NUDT4: variants seen among roughly 807,000 people sequenced by gnomAD.
The protein encoded by NUDT4 is diphosphoinositol polyphosphate phosphohydrolase 2.
A neutral mutation model predicts 23.1 loss-of-function variants in NUDT4; 5 were observed. The ratio of observed to expected loss-of-function variants is 0.22; its 90% confidence interval spans 0.11 to 0.46. NUDT4 has a LOEUF of 0.46. Among genes scored for constraint, NUDT4 ranks in the 20% least tolerant of loss-of-function variants. The probability of loss-of-function intolerance (pLI) is 0.99; values close to 1 mark genes in which losing one functional copy is unlikely to be tolerated. For synonymous variants in NUDT4, 50 were observed against 79.0 expected (o/e 0.63, Z 1.95); for missense variants, 96 against 211.6 (o/e 0.45, Z 3.39).
chr12:93,378,534 C>A, intron 1 of NUDT4, 113 bp downstream of exon 1: 2 of 1,296,416 alleles, frequency 1.5e-6, no homozygotes, highest in Non-Finnish European at 2.0e-6. Context: ...GGATTAGCCC[C>A]CTTCCTCCCT....
chr12:93,378,680 A>AGGTCCCGGGCC (rs1308633121), intron 1 of NUDT4: 4 of 1,170,452 alleles, frequency 3.4e-6, no homozygotes, highest in Non-Finnish European at 4.2e-6. Context: ...GTCCCCGGGA[A>AGGTCCCGGGCC]GGTCCCGGGC....
intron 3 of NUDT4, among the ~76,000 whole-genome samples, chr12:93,397,449 T>C (rs1211593698): frequency 1.3e-5 from 2 of 152,170 alleles, no homozygotes; most frequent in South Asian, 2.1e-4. Context: ...CAAAGAAGGC[T>C]AACTTTAATC....
At position 93,405,084 on chromosome 12, in the gene NUDT4, G is replaced by A. The variant is rs777974843; in HGVS notation, c.*5705G>A. On this transcript the variant is annotated 3_prime_UTR_variant, in exon 5 of 5. Transcript: ENST00000415493. ...GAATTGTAATAACTTGGACTTACTTGGTTGCTCAGTCCTGATGTGTCCTGT... is the reference window on the plus strand; with the variant it reads ...GAATTGTAATAACTTGGACTTACTTAGTTGCTCAGTCCTGATGTGTCCTGT... The A allele has an allele frequency of 5.9e-5, 9 of 152,062 alleles. No homozygotes were observed. The highest frequency in any genetic ancestry group is 1.0e-4 in the Non-Finnish European group (7 of 68,020). The allele number at this position is 152,062 out of a possible 1,614,324, so 9.4% of individuals were successfully genotyped here.
chr12:93,379,108 A>G (rs1875435688), intron 1 of NUDT4, among the ~76,000 whole-genome samples: 1 of 152,204 alleles, frequency 6.6e-6, no homozygotes, highest in Non-Finnish European at 1.5e-5. Context: ...TTCAGACAGT[A>G]ATCTCCAGCT....
At position 93,378,196 on chromosome 12, in the gene NUDT4, C is replaced by T. The variant is rs1875332603; in HGVS notation, c.-127C>T. 2.7e-6 allele frequency: 1 copy of T among 370,828 alleles called. No homozygotes were observed. The highest frequency in any genetic ancestry group is 4.9e-6 in the Non-Finnish European group (1 of 205,152). 23.0% of individuals were successfully genotyped at this position (370,828 alleles called of 1,614,324 possible). ...GACCGGCCTCGCCGCACCTCCCGCA[C>T]CGACTAGCGCTCCCGGGCGCTCCTG... On this transcript the variant is annotated 5_prime_UTR_variant, in exon 1 of 5. Coordinates refer to ENST00000415493, the MANE Select transcript of NUDT4 (RefSeq NM_019094.6).
At chr12:93,378,705 C>G in intron 1 of NUDT4, 1 of 1,128,606 alleles carries the variant, frequency 8.9e-7, no homozygotes, top group South Asian at 4.2e-5. Context: ...TAAGTCTCGC[C>G]TAGCGGGAGT....
At chr12:93,387,173 C>T (rs1057035261) in intron 1 of NUDT4, among the ~76,000 whole-genome samples, 19 of 152,050 alleles carry the variant, frequency 1.2e-4, no homozygotes, top group African/African-American at 4.1e-4. Context: ...CTCAAGTGAT[C>T]CTCCTGCCTC....
At chr12:93,392,933 A>G (rs1175523627) in intron 1 of NUDT4, among the ~76,000 whole-genome samples, 8 of 136,224 alleles carry the variant, frequency 5.9e-5, no homozygotes, top group African/African-American at 1.1e-4. Flanking sequence ...TGCCCACCTC[A>G]GCCTCCCAAA....
intron 3 of NUDT4, among the ~76,000 whole-genome samples, chr12:93,396,790 G>A (rs1565782988): frequency 6.6e-6 from 1 of 152,142 alleles, no homozygotes; most frequent in African/African-American, 2.4e-5. Context: ...ACGCACGCCT[G>A]TAGTCCCAGC....
At position 93,404,494 on chromosome 12, in the gene NUDT4, C is replaced by T. The variant is rs1877692445; in HGVS notation, c.*5115C>T. 6.6e-6 allele frequency: 1 copy of T among 152,194 alleles called. No individual in the cohort carries two copies. Among genetic ancestry groups the T allele is most frequent in the Non-Finnish European group, 1.5e-5 (1 of 68,032 alleles). The allele number at this position is 152,194 out of a possible 1,614,324, so 9.4% of individuals were successfully genotyped here. ...CCTGGGAGTCTAGTCAACAAATGGA[C>T]AAGTTGCACAACCAAGCTATGGTCA... On this transcript the variant is annotated 3_prime_UTR_variant, in exon 5 of 5. Transcript: ENST00000415493.
At chr12:93,389,795 G>A (rs1382898867) in intron 1 of NUDT4, among the ~76,000 whole-genome samples, 2 of 151,778 alleles carry the variant, frequency 1.3e-5, no homozygotes, top group Non-Finnish European at 2.9e-5. Flanking sequence ...CAGCTACTCG[G>A]GAGGCTGAGG....
chr12:93,378,471 G>C, intron 1 of NUDT4, 50 bp downstream of exon 1: 1 of 1,480,434 alleles, frequency 6.8e-7, no homozygotes, highest in Non-Finnish European at 9.0e-7. Context: ...GGGGTCTAGG[G>C]CCCGGGTGCT....
intron 1 of NUDT4, among the ~76,000 whole-genome samples, chr12:93,390,258 A>T (rs1444746538): frequency 1.3e-5 from 2 of 152,210 alleles, no homozygotes; most frequent in African/African-American, 4.8e-5. Context: ...GTTTATTCCT[A>T]ACCCAAACCT....
chr12:93,378,936 C>A, intron 1 of NUDT4: 2 of 296,856 alleles, frequency 6.7e-6, no homozygotes, highest in Middle Eastern at 1.7e-3. Flanking sequence ...CTTGGCAATT[C>A]TTGTGGGTCC....
At chr12:93,383,921 G>T (rs1875876704) in intron 1 of NUDT4, among the ~76,000 whole-genome samples, 1 of 152,144 alleles carries the variant, frequency 6.6e-6, no homozygotes, top group South Asian at 2.1e-4. Flanking sequence ...AGGTTCTCTG[G>T]ATGGCTCCTC....
chr12:93,402,775 G>A lies in NUDT4; in HGVS notation c.*3396G>A, dbSNP rs1357902292. 4 of 152,052 alleles carry A rather than the reference G, an allele frequency of 2.6e-5. No homozygotes were observed. The highest frequency in any genetic ancestry group is 9.7e-5 in the African/African-American group (4 of 41,374). The allele number at this position is 152,052 out of a possible 1,614,324, so 9.4% of individuals were successfully genotyped here. On this transcript the variant is annotated 3_prime_UTR_variant, in exon 5 of 5. Transcript: ENST00000415493. ...TGACTTACTCTAGAATTCTAATACA[G>A]ATACTTTCTGCACTAGTATCACTTT...
chr12:93,403,258 C>A lies in NUDT4; in HGVS notation c.*3879C>A, dbSNP rs940779754. 1 of 152,140 alleles carries A rather than the reference C, an allele frequency of 6.6e-6. No individual in the cohort carries two copies. The highest frequency in any genetic ancestry group is 1.5e-5 in the Non-Finnish European group (1 of 68,030). The allele number at this position is 152,140 out of a possible 1,614,324, so 9.4% of individuals were successfully genotyped here. On this transcript the variant is annotated 3_prime_UTR_variant, in exon 5 of 5. Coordinates refer to ENST00000415493, the MANE Select transcript of NUDT4 (RefSeq NM_019094.6). ...TAAGAGCACAAAACAATTTTCTAAT[C>A]TCAAAGAGCTTATATTCTAGTGGGG...
chr12:93,385,968 T>C (rs9919680), intron 1 of NUDT4, among the ~76,000 whole-genome samples: 3,691 of 133,550 alleles, frequency 0.028, 236 homozygotes, highest in African/African-American at 0.1. Flanking sequence ...TATATATATA[T>C]ATACATAATT....
chr12:93,394,279 G>C (rs536620632), intron 1 of NUDT4, among the ~76,000 whole-genome samples: 1 of 152,278 alleles, frequency 6.6e-6, no homozygotes, highest in East Asian at 1.9e-4. Flanking sequence ...TGGGATTACA[G>C]GCGTGAGCCA....
Sources: gnomAD v4.1 joint callset for allele counts (sites outside exome capture counted in the v4.1 genomes callset) on GRCh38, gnomAD v4.1.1 for gene constraint, MANE v1.5 for transcripts, NCBI Gene and HGNC (gene_info 2026-07-23, HGNC 2026-07-21) for gene names.